The following ZP2 variants were observed in gnomAD, a reference collection of about 807,000 sequenced individuals.
ZP2 encodes the protein zona pellucida sperm-binding protein 2.
Under a neutral mutation model 84.0 loss-of-function variants are expected in ZP2, and 51 were observed. That is an observed-to-expected ratio of 0.61 (90% CI 0.49 to 0.77). ZP2 has a LOEUF of 0.77. ZP2 is among the 30% of genes least tolerant of loss of function. ZP2 has a pLI of 0.00. For synonymous variants in ZP2, 375 were observed against 330.9 expected (o/e 1.13, Z -1.45); for missense variants, 909 against 911.9 (o/e 1.00, Z 0.04).
At chr16:21,203,302 C>A (rs1234509936) in intron 9 of ZP2, 51 bp from the exon 10 acceptor site, 5 of 1,605,658 alleles carry the variant, frequency 3.1e-6, no homozygotes, top group Non-Finnish European at 4.3e-6. Flanking sequence ...GGGCCCGGAA[C>A]CGTCACAGGG....
In ZP2 at chr16:21,197,576, G is replaced by C. The variant is rs2093205046; in HGVS notation, c.2142C>G (p.Ser714=). The part of the protein sequence containing the change: ...KGHKTAGDVG[S]KAVAAVAAFA... Reference sequence around the variant, plus strand: ...AGGCAGCCACAGCAGCCACAGCTTTGGAACCAACATCTCCAGCAGTCTTGT... The same window carrying C: ...AGGCAGCCACAGCAGCCACAGCTTTCGAACCAACATCTCCAGCAGTCTTGT... Residue 714 remains serine (S), a synonymous_variant, in exon 19 of 19, where the codon TCC becomes TCG. Coordinates refer to ENST00000574091, the MANE Select transcript of ZP2 (RefSeq NM_001376232.1). 6.2e-7 allele frequency: 1 copy of C among 1,614,150 alleles called. No individual in the cohort carries two copies. The highest frequency in any genetic ancestry group is 8.5e-7 in the Non-Finnish European group (1 of 1,180,026).
rs756647992 is a variant in ZP2 at position 21,204,215 on chromosome 16, G to C, written c.791-4C>G. The C allele has an allele frequency of 6.2e-7, 1 of 1,614,128 alleles. No individual in the cohort carries two copies. Among genetic ancestry groups the C allele is most frequent in the Non-Finnish European group, 8.5e-7 (1 of 1,179,988 alleles). On this transcript the variant is annotated splice_polypyrimidine_tract_variant and splice_region_variant and intron_variant, in intron 8 of 18. Coordinates refer to ENST00000574091, the MANE Select transcript of ZP2 (RefSeq NM_001376232.1). ...GTGGCATTGCAGGTCACAGGATCTA[G>C]AAGGAATGACAACAGAATGCCCATT...
upstream of ZP2, among the ~76,000 whole-genome samples, chr16:21,211,989 G>A (rs2093277540): frequency 6.6e-6 from 1 of 150,554 alleles, no homozygotes; most frequent in Non-Finnish European, 1.5e-5. Context: ...GTGCACTGGT[G>A]CAATCTCGGC....
chr16:21,198,729 A>G (rs375731269), intron 17 of ZP2, 50 bp downstream of exon 17: 1 of 1,546,376 alleles, frequency 6.5e-7, no homozygotes. Context: ...GCTTGGCATA[A>G]AAAGCTAAGA....
intron 10 of ZP2, among the ~76,000 whole-genome samples, chr16:21,202,836 T>C (rs1290027484): frequency 6.6e-6 from 1 of 152,092 alleles, no homozygotes; most frequent in Non-Finnish European, 1.5e-5. Context: ...TTAATTCTAA[T>C]TAGAAGTTTG....
rs776151511 is a variant in ZP2, at chr16:21,197,552, GGCAGCCACA to G, written c.2157_2165del (p.Val720_Ala722del). 19 of 1,613,998 alleles carry G rather than the reference GGCAGCCACA, an allele frequency of 1.2e-5. No homozygotes were observed. The highest frequency in any genetic ancestry group is 2.2e-5 in the East Asian group (1 of 44,900). ...CTAGAGTTGCCACCACACCTGCAAA[GGCAGCCACA>G]GCAGCCACAGCTTTGGAACCAACAT... On this transcript the variant is annotated inframe_deletion, in exon 19 of 19. Coordinates refer to ENST00000574091, the MANE Select transcript of ZP2 (RefSeq NM_001376232.1).
chr16:21,209,984 T>C (rs2093267083), intron 3 of ZP2, 125 bp downstream of exon 3: 1 of 861,088 alleles, frequency 1.2e-6, no homozygotes, highest in Non-Finnish European at 1.9e-6. Flanking sequence ...GGTATCCCCA[T>C]GGCATCATGG....
rs774199071 is a variant in ZP2 at position 21,203,993 on chromosome 16, G to A, written c.972+37C>T. ...CCCACAAGAGTATACTTCAAGTCAG[G>A]ACCCGGTGGAGTTCAGTGGTTGACA... On this transcript the variant is annotated intron_variant, in intron 9 of 18. Transcript: ENST00000574091. 4 of 1,605,440 alleles carry A rather than the reference G, an allele frequency of 2.5e-6. No homozygotes were observed. The African/African-American group carries it at 4.0e-5, about 16-fold the overall frequency.
chr16:21,202,042 T>A lies in ZP2; in HGVS notation c.1288-19A>T. The stretch of plus-strand genomic sequence containing the variant: ...CTTCGAACTTAAATGTCAGAGAAAG[T>A]GGGTTAGCAGCCAGTTATGTCAAAG... On this transcript the variant is annotated intron_variant, in intron 11 of 18. Coordinates refer to ENST00000574091, the MANE Select transcript of ZP2 (RefSeq NM_001376232.1). The A allele has an allele frequency of 6.2e-7, 1 of 1,613,822 alleles. No individual in the cohort carries two copies. Among genetic ancestry groups the A allele is most frequent in the African/African-American group, 1.3e-5 (1 of 75,044 alleles).
At position 21,203,153 on chromosome 16, in the gene ZP2, C is replaced by A; in HGVS notation, c.1071G>T (p.Glu357Asp). The change falls in exon 10 of 19, where the codon GAG becomes GAT. Residue 357 changes from glutamate to aspartate, a missense_variant. Transcript: ENST00000574091. ...PETVSMVIYP[E>D]CLCESPVSIV... ...TAGAAACGGGTGACTCACAGAGACA[C>A]TCAGGATAGATCACCATGGATACTG... 6.2e-7 allele frequency: 1 copy of A among 1,613,884 alleles called. No individual in the cohort carries two copies. The highest frequency in any genetic ancestry group is 8.5e-7 in the Non-Finnish European group (1 of 1,179,890).
chr16:21,207,517 G>T (rs1021115968), intron 4 of ZP2, among the ~76,000 whole-genome samples: 2 of 152,088 alleles, frequency 1.3e-5, no homozygotes, highest in Admixed American at 1.3e-4. Flanking sequence ...GGGCATGGTG[G>T]CTCATTGCCT....
At chr16:21,206,452 A>C (rs1214392561) in intron 5 of ZP2, among the ~76,000 whole-genome samples, 9 of 152,130 alleles carry the variant, frequency 5.9e-5, no homozygotes, top group Non-Finnish European at 1.2e-4. Flanking sequence ...TAGACTCTAA[A>C]CCCATGAAGA....
chr16:21,207,068 G>C, intron 4 of ZP2, 78 bp from the exon 5 acceptor site: 1 of 1,560,702 alleles, frequency 6.4e-7, no homozygotes, highest in Non-Finnish European at 8.8e-7. Flanking sequence ...TGACCCATCT[G>C]AGTGGGAAAA....
chr16:21,206,884 G>A lies in ZP2; in HGVS notation c.437C>T (p.Thr146Ile), dbSNP rs202010660. 28 of 1,614,068 alleles carry A rather than the reference G, an allele frequency of 1.7e-5. No homozygotes were observed. Among genetic ancestry groups the A allele is most frequent in the Admixed American group, 1.5e-4 (9 of 60,010 alleles). The change falls in exon 5 of 19, where the codon ACC (threonine) becomes ATC (isoleucine). Residue 146 changes from threonine to isoleucine, a missense_variant. Coordinates refer to ENST00000574091, the MANE Select transcript of ZP2 (RefSeq NM_001376232.1). Reference protein sequence around the residue: ...FFCPAMQVEETQGLSASTICQ... With the variant: ...FFCPAMQVEEIQGLSASTICQ... ...GATTGTAGATGCTGAAAGCCCCTGGGTCTCTTCTACTTGCATAGCTGGACA... is the reference window on the plus strand; with the variant it reads ...GATTGTAGATGCTGAAAGCCCCTGGATCTCTTCTACTTGCATAGCTGGACA...
chr16:21,201,596 A>G (rs1200657143), intron 13 of ZP2, 38 bp from the exon 14 acceptor site: 15 of 1,602,542 alleles, frequency 9.4e-6, no homozygotes, highest in Non-Finnish European at 1.2e-5. Context: ...AATGGCTGCA[A>G]CACAGATTCA....
At position 21,202,306 on chromosome 16, in the gene ZP2, A is replaced by G. The variant is rs758275898; in HGVS notation, c.1100-15T>C. ...CTCCCCTGTAACTAGACAGCGGTGA[A>G]AGTTTAGAGAAAATAAGTTTGTCTG... On this transcript the variant is annotated splice_polypyrimidine_tract_variant and intron_variant, in intron 10 of 18. Transcript: ENST00000574091. 1.3e-6 allele frequency: 2 copies of G among 1,489,128 alleles called. No homozygotes were observed. Among genetic ancestry groups the G allele is most frequent in the Non-Finnish European group, 1.8e-6 (2 of 1,122,668 alleles). 92.2% of individuals were successfully genotyped at this position (1,489,128 alleles called of 1,614,324 possible).
At position 21,202,268 on chromosome 16, in the gene ZP2, C is replaced by T. The variant is rs2093229817; in HGVS notation, c.1123G>A (p.Asp375Asn). The T allele has an allele frequency of 1.2e-5, 19 of 1,533,166 alleles. No individual in the cohort carries two copies. Among genetic ancestry groups the T allele is most frequent in the Non-Finnish European group, 1.6e-5 (18 of 1,144,620 alleles). 95.0% of individuals were successfully genotyped at this position (1,533,166 alleles called of 1,614,324 possible). Residue 375 changes from aspartate to asparagine, a missense_variant, in exon 11 of 19, where the codon GAT becomes AAT. Coordinates refer to ENST00000574091, the MANE Select transcript of ZP2 (RefSeq NM_001376232.1). Reference protein sequence around the residue: ...SIVTGELCTQDGFMDVEVYSY... With the variant: ...SIVTGELCTQNGFMDVEVYSY... The stretch of plus-strand genomic sequence containing the variant: ...TAGACCTCGACGTCCATAAACCCAT[C>T]CTGGGTGCACAGCTCCCCTGTAACT...
upstream of ZP2, chr16:21,214,192 G>A: frequency 1.0e-6 from 1 of 962,622 alleles, no homozygotes; most frequent in Non-Finnish European, 1.2e-6. Context: ...GGTGAAGCTG[G>A]TATGTGCACC....
chr16:21,210,190 T>C lies in ZP2; in HGVS notation c.154A>G (p.Thr52Ala), dbSNP rs1201772199. 6.2e-7 allele frequency: 1 copy of C among 1,613,920 alleles called. No individual in the cohort carries two copies. Among genetic ancestry groups the C allele is most frequent in the Non-Finnish European group, 8.5e-7 (1 of 1,179,906 alleles). ...SQLVNPAFPG[T>A]VTCDEREITV... Reference sequence around the variant, plus strand: ...ATTTCCCTTTCATCGCAAGTGACAGTGCCTAAGGAGCAAAGGAAGCATTTG... The same window carrying C: ...ATTTCCCTTTCATCGCAAGTGACAGCGCCTAAGGAGCAAAGGAAGCATTTG... Residue 52 changes from threonine to alanine, a missense_variant and splice_region_variant, in exon 3 of 19, where the codon ACT becomes GCT. Coordinates refer to ENST00000574091, the MANE Select transcript of ZP2 (RefSeq NM_001376232.1).
Sources: gnomAD v4.1 joint callset for allele counts (sites outside exome capture counted in the v4.1 genomes callset) on GRCh38, gnomAD v4.1.1 for gene constraint, MANE v1.5 for transcripts, NCBI Gene and HGNC (gene_info 2026-07-23, HGNC 2026-07-21) for gene names.